Variants in ARHGEF7 observed in about 807,000 individuals in gnomAD.
ARHGEF7 encodes the protein Rho guanine nucleotide exchange factor 7, also known as PAK-interacting exchange factor beta.
In ARHGEF7, 33 loss-of-function variants were observed where a neutral mutation model predicts 109.8. That is an observed-to-expected ratio of 0.30 (90% CI 0.23 to 0.40). The LOEUF is 0.40. ARHGEF7 is among the 10% of genes least tolerant of loss of function. The pLI is 1.00. For synonymous variants in ARHGEF7, 458 were observed against 424.6 expected (o/e 1.08, Z -0.97); for missense variants, 938 against 1,098.5 (o/e 0.85, Z 2.07).
At chr13:111,233,952 C>A (rs1198703077) in intron 6 of ARHGEF7, among the ~76,000 whole-genome samples, 4 of 152,002 alleles carry the variant, frequency 2.6e-5, no homozygotes, top group Non-Finnish European at 4.4e-5. Flanking sequence ...ATTGCATGTT[C>A]TATAGAAATG....
chr13:111,200,141 C>T (rs990232528), intron 2 of ARHGEF7, among the ~76,000 whole-genome samples: 4 of 152,130 alleles, frequency 2.6e-5, no homozygotes, highest in African/African-American at 4.8e-5. Context: ...TCACCTCTCT[C>T]GGCCCCTAGA....
chr13:111,244,918 C>A (rs370432939), intron 8 of ARHGEF7, among the ~76,000 whole-genome samples: 1 of 152,208 alleles, frequency 6.6e-6, no homozygotes, highest in Non-Finnish European at 1.5e-5. Context: ...AAAGCACTTT[C>A]TGCATCCTGC....
upstream of ARHGEF7, chr13:111,114,641 C>A: frequency 6.6e-6 from 1 of 151,806 alleles, no homozygotes; most frequent in South Asian, 2.0e-4. Flanking sequence ...GCCAGGCGCC[C>A]GGCCCGGCCC....
rs2083966238 is a variant in ARHGEF7 at position 111,221,323 on chromosome 13, ATATATGTCTATATATATCTATATATATG to A, written c.670+3445_670+3472del. 1.7e-4 allele frequency among the ~76,000 whole-genome samples: 3 copies of A among 18,062 alleles called. 1 individual carries two copies. The highest frequency in any genetic ancestry group is 2.1e-4 in the Non-Finnish European group (2 of 9,554). 11.8% of individuals were successfully genotyped at this position (18,062 alleles called of 152,430 possible). A position where few individuals can be genotyped will look rare whatever the true frequency, so the allele number is the denominator to read the frequency against. On this transcript the variant is annotated intron_variant, in intron 5 of 21. Transcript: ENST00000646102. ...TGTCTATATATATCTATATATAGAT[ATATATGTCTATATATATCTATATATATG>A]TCTATATATATATCTATATATATAT...
intron 5 of ARHGEF7, among the ~76,000 whole-genome samples, chr13:111,219,250 G>A (rs1274778755): frequency 6.6e-6 from 1 of 152,164 alleles, no homozygotes; most frequent in African/African-American, 2.4e-5. Context: ...CTTCGTGTAA[G>A]TGCAGTCATT....
chr13:111,138,054 C>T (rs2075167054), intron 1 of ARHGEF7, among the ~76,000 whole-genome samples: 1 of 152,148 alleles, frequency 6.6e-6, no homozygotes, highest in African/African-American at 2.4e-5. Flanking sequence ...TGGCTCACGC[C>T]TGTAATCCCA....
intron 1 of ARHGEF7, among the ~76,000 whole-genome samples, chr13:111,121,853 A>G (rs142773658): frequency 7.8e-4 from 119 of 152,292 alleles, no homozygotes; most frequent in African/African-American, 2.7e-3. Flanking sequence ...CCTAAAAATG[A>G]GATGAATGAT....
chr13:111,242,454 ATTAC>A (rs2087952283), intron 6 of ARHGEF7, among the ~76,000 whole-genome samples: 16 of 152,186 alleles, frequency 1.1e-4, no homozygotes, highest in Admixed American at 1.0e-3. Flanking sequence ...TAATATCTTT[ATTAC>A]TTCTGTACAA....
chr13:111,154,083 C>T (rs1345522155), intron 2 of ARHGEF7, 92 bp downstream of exon 2: 5 of 1,269,310 alleles, frequency 3.9e-6, no homozygotes, highest in Non-Finnish European at 4.2e-6. Flanking sequence ...CCTCCTGCCT[C>T]CTCCGCGCCC....
chr13:111,164,190 G>A (rs1311717500), intron 2 of ARHGEF7, among the ~76,000 whole-genome samples: 1 of 152,242 alleles, frequency 6.6e-6, no homozygotes, highest in Non-Finnish European at 1.5e-5. Flanking sequence ...GCCCTGCAGA[G>A]AAGATGGCAG....
chr13:111,294,516 A>T, intron 19 of ARHGEF7: 3 of 985,482 alleles, frequency 3.0e-6, no homozygotes, highest in Non-Finnish European at 3.6e-6. Context: ...AGTTAAAGGC[A>T]TTTTGATGAT....
At chr13:111,221,147 A>G (rs1170136544) in intron 5 of ARHGEF7, among the ~76,000 whole-genome samples, 1 of 96,122 alleles carries the variant, frequency 1.0e-5, no homozygotes, top group African/African-American at 4.0e-5. Context: ...TCATATATAT[A>G]TAGATATATA....
intron 2 of ARHGEF7, among the ~76,000 whole-genome samples, chr13:111,170,205 C>G (rs1336882808): frequency 6.6e-6 from 1 of 152,232 alleles, no homozygotes; most frequent in Non-Finnish European, 1.5e-5. Flanking sequence ...TCAAGCAGTA[C>G]TCATGCCTCA....
chr13:111,254,549 G>A (rs2090205042), intron 8 of ARHGEF7, among the ~76,000 whole-genome samples: 2 of 149,356 alleles, frequency 1.3e-5, no homozygotes, highest in Admixed American at 1.3e-4. Flanking sequence ...AAGAGGATTC[G>A]GGCTAAGGCG....
intron 2 of ARHGEF7, among the ~76,000 whole-genome samples, chr13:111,161,306 C>T (rs763003202): frequency 6.6e-6 from 1 of 152,126 alleles, no homozygotes; most frequent in Non-Finnish European, 1.5e-5. Flanking sequence ...ATTGCTCACT[C>T]CTGGTAGCTG....
chr13:111,281,622 C>A (rs1008848398), intron 15 of ARHGEF7, among the ~76,000 whole-genome samples: 3 of 152,172 alleles, frequency 2.0e-5, no homozygotes, highest in Non-Finnish European at 4.4e-5. Context: ...ATTCTCCATT[C>A]TTTCATGGAG....
rs1211592090 is a variant in ARHGEF7, at chr13:111,266,836, C to T, written c.951-712C>T. On this transcript the variant is annotated intron_variant, in intron 8 of 21. Transcript: ENST00000646102. The surrounding 1 kb of genome is among the most constrained non-coding windows in gnomAD (Gnocchi z 4.8). Reference sequence around the variant, plus strand: ...GTTCTCCTGTTTTCAGCACACGTGCCCCTGCTCCGGGTTGTTGCTGTTGTC... The same window carrying T: ...GTTCTCCTGTTTTCAGCACACGTGCTCCTGCTCCGGGTTGTTGCTGTTGTC... The T allele has an allele frequency of 2.2e-6, 1 of 455,854 alleles. No individual in the cohort carries two copies. The highest frequency in any genetic ancestry group is 4.4e-6 in the Non-Finnish European group (1 of 226,804). The allele number at this position is 455,854 out of a possible 1,614,324, so 28.2% of individuals were successfully genotyped here. A position where few individuals can be genotyped will look rare whatever the true frequency, so the allele number is the denominator to read the frequency against.
At chr13:111,211,164 C>T (rs959681952) in intron 4 of ARHGEF7, among the ~76,000 whole-genome samples, 6 of 152,148 alleles carry the variant, frequency 3.9e-5, no homozygotes, top group South Asian at 2.1e-4. Flanking sequence ...ACAGCAGCCC[C>T]GAGAGGCCTG....
At chr13:111,233,538 A>G (rs1303568491) in intron 6 of ARHGEF7, among the ~76,000 whole-genome samples, 4 of 152,236 alleles carry the variant, frequency 2.6e-5, no homozygotes, top group Non-Finnish European at 4.4e-5. Flanking sequence ...GTCCCGTAAC[A>G]TAGTAATGTG....
Sources: gnomAD v4.1 joint callset for allele counts (sites outside exome capture counted in the v4.1 genomes callset) on GRCh38, gnomAD v4.1.1 for gene constraint, Gnocchi (gnomAD v3.1) non-coding constraint, MANE v1.5 for transcripts, NCBI Gene and HGNC (gene_info 2026-07-23, HGNC 2026-07-21) for gene names.